Variants in COL16A1 observed in about 807,000 individuals in gnomAD.
The protein encoded by COL16A1 is collagen type XVI alpha 1 chain, also known as collagen alpha-1(XVI) chain.
Under a neutral mutation model 266.3 loss-of-function variants are expected in COL16A1, and 189 were observed. The ratio of observed to expected loss-of-function variants is 0.71; its 90% confidence interval spans 0.63 to 0.80. The LOEUF is 0.80. COL16A1 is among the 30% of genes least tolerant of loss of function. COL16A1 has a pLI of 0.00. For missense variants in COL16A1, 1,928 were observed against 2,122.4 expected, an observed-to-expected ratio of 0.91 and a Z score of 1.80; for synonymous variants, 740 against 782.3, an observed-to-expected ratio of 0.95 and a Z score of 0.90.
At chr1:31,665,034 T>C in intron 56 of COL16A1, 138 bp downstream of exon 56, 1 of 1,269,866 alleles carries the variant, frequency 7.9e-7, no homozygotes, top group Non-Finnish European at 1.1e-6. Context: ...GGGCCCATCC[T>C]GGAGGCCTCT....
chr1:31,700,132 A>AG lies in COL16A1; in HGVS notation c.74-18dup. On this transcript the variant is annotated splice_polypyrimidine_tract_variant and intron_variant, in intron 2 of 70. Transcript: ENST00000373672. ...ATTGTGCACCTAGAAGAGAAGGGGC[A>AG]GGGGGGCATTAGGTGCGCTCAGGCC... is the stretch of plus-strand genomic sequence containing the variant. The AG allele has an allele frequency of 6.2e-7, 1 of 1,613,866 alleles. No individual in the cohort carries two copies. The highest frequency in any genetic ancestry group is 1.3e-5 in the African/African-American group (1 of 75,026).
At chr1:31,689,649 C>T in intron 23 of COL16A1, 92 bp downstream of exon 23, 1 of 1,005,618 alleles carries the variant, frequency 9.9e-7, no homozygotes, top group Non-Finnish European at 1.6e-6. Context: ...GAGAAGTACC[C>T]AGCCCCTCTG....
chr1:31,666,001 C>T, intron 53 of COL16A1, 36 bp downstream of exon 53: 1 of 1,613,672 alleles, frequency 6.2e-7, no homozygotes, highest in Non-Finnish European at 8.5e-7. Context: ...CAGGACAAGA[C>T]CAGGACCACA....
rs1644465237 is a variant in COL16A1 at position 31,695,691 on chromosome 1, C to T, written c.945+70G>A. 1.8e-5 allele frequency: 27 copies of T among 1,476,240 alleles called. No homozygotes were observed. In the South Asian group the frequency reaches 2.3e-4, roughly 13 times the overall value. The allele number at this position is 1,476,240 out of a possible 1,614,324, so 91.4% of individuals were successfully genotyped here. On this transcript the variant is annotated intron_variant, in intron 10 of 70. Transcript: ENST00000373672. ...AGCCAGCACCCCTATGCTGAGGATC[C>T]GTGCCCAAAGCCTGGTGCAAAGGGT...
rs200338053 is a variant in COL16A1 at position 31,683,353 on chromosome 1, G to A, written c.2396C>T (p.Pro799Leu). 21 of 1,614,002 alleles carry A rather than the reference G, an allele frequency of 1.3e-5. No individual in the cohort carries two copies. The highest frequency in any genetic ancestry group is 1.6e-4 in the Middle Eastern group (1 of 6,082). The change falls in exon 35 of 71, where the codon CCG (proline) becomes CTG (leucine). Residue 799 changes from proline to leucine, a missense_variant. Pro to Leu is a moderately conservative substitution (Grantham distance 98, BLOSUM62 -3). This residue lies in a region of COL16A1 where 1,552 missense variants were observed against 1,637.2 expected (regional missense o/e 0.95). Transcript: ENST00000373672. ...VQGPQGEPGA[P>L]GLPGIQGLPG... ...ACGTACCTGAATGCCAGGCAAACCC[G>A]GGGCTCCAGGCTCCCCCTGCAAGTC... is the stretch of plus-strand genomic sequence containing the variant.
chr1:31,689,284 G>A (rs1447544804), intron 23 of COL16A1, 199 bp from the exon 24 acceptor site: 20 of 817,030 alleles, frequency 2.4e-5, no homozygotes, highest in South Asian at 5.5e-5. Flanking sequence ...GGGGAATGAC[G>A]CCAGGTTAAG....
At chr1:31,692,728 C>T in intron 14 of COL16A1, 39 bp downstream of exon 14, 1 of 1,612,960 alleles carries the variant, frequency 6.2e-7, no homozygotes, top group South Asian at 1.1e-5. Flanking sequence ...GGGCTGGCCC[C>T]ATATTGGCCC....
rs773151364 is a variant in COL16A1 at position 31,691,444 on chromosome 1, G to A, written c.1371C>T (p.Pro457=). The part of the protein sequence containing the change: ...GEPGPPGLPG[P]PGIGLPGTPG... ...GGGTCCCAGGCAGTCCTATCCCAGG[G>A]GGTCCAGGGAGGCCGGGGGGCCCAG... is the stretch of plus-strand genomic sequence containing the variant. The change falls in exon 19 of 71, where the codon CCC becomes CCT. Residue 457 remains proline (P), a synonymous_variant. Transcript: ENST00000373672. The A allele has an allele frequency of 2.5e-6, 4 of 1,612,812 alleles. No individual in the cohort carries two copies. The Admixed American group carries it at 5.0e-5, about 20-fold the overall frequency.
intron 2 of COL16A1, chr1:31,701,650 G>T: frequency 1.2e-6 from 1 of 812,920 alleles, no homozygotes; most frequent in Non-Finnish European, 1.5e-6. Flanking sequence ...AGGAGGAGAA[G>T]CACGTGAGCT....
At position 31,683,757 on chromosome 1, in the gene COL16A1, GC is replaced by G. The variant is rs1557663499; in HGVS notation, c.2338-10del. On this transcript the variant is annotated splice_polypyrimidine_tract_variant and intron_variant, in intron 33 of 70. Transcript: ENST00000373672. ...GGAGGCCCTGGCTCTCCCTGAAGAG[GC>G]AGAAGGACAGTCCCTGGCTCGAGGT... The G allele has an allele frequency of 6.2e-7, 1 of 1,614,070 alleles. No homozygotes were observed. The highest frequency in any genetic ancestry group is 1.1e-5 in the South Asian group (1 of 91,080).
rs752977109 is a variant in COL16A1, at chr1:31,686,073, G to A, written c.1884+18C>T. ...AAGCTCACCCAGGCTGCAGCACGGA[G>A]AATGTCCCCAGACTCACCTTCGCCC... On this transcript the variant is annotated intron_variant, in intron 28 of 70. Transcript: ENST00000373672. 6.2e-7 allele frequency: 1 copy of A among 1,613,652 alleles called. No homozygotes were observed. Among genetic ancestry groups the A allele is most frequent in the East Asian group, 2.2e-5 (1 of 44,882 alleles).
Position 31,683,020 on chromosome 1 carries a change from C to T in COL16A1, c.2470-18G>A. ...GGAGATCCCTGTGTAAGAGAAGGTA[C>T]AAAGGTCTCAGGGGCAGAATTGGAA... is the stretch of plus-strand genomic sequence containing the variant. On this transcript the variant is annotated intron_variant, in intron 36 of 70. Coordinates refer to ENST00000373672, the MANE Select transcript of COL16A1 (RefSeq NM_001856.4). 6.2e-7 allele frequency: 1 copy of T among 1,613,930 alleles called. No individual in the cohort carries two copies. Among genetic ancestry groups the T allele is most frequent in the Non-Finnish European group, 8.5e-7 (1 of 1,179,942 alleles).
intron 12 of COL16A1, among the ~76,000 whole-genome samples, chr1:31,693,791 C>T (rs1226410821): frequency 6.6e-6 from 1 of 152,192 alleles, no homozygotes; most frequent in Non-Finnish European, 1.5e-5. Flanking sequence ...CATAATCATT[C>T]TAACACACCC....
Position 31,698,501 on chromosome 1 carries a change from A to T in COL16A1, c.372T>A (p.Asp124Glu), listed in dbSNP as rs1246584901. Residue 124 changes from aspartate (D) to glutamate (E), a missense_variant, in exon 5 of 71, where the codon GAT becomes GAA. Around this residue, in one of 2 missense-constraint regions of COL16A1, gnomAD observed 1,552 missense variants for 1,637.2 expected, o/e 0.95. Coordinates refer to ENST00000373672, the MANE Select transcript of COL16A1 (RefSeq NM_001856.4). The surrounding 1 kb of genome is among the most constrained non-coding windows in gnomAD (Gnocchi z 4.1). ...QKTWYLFQVTDANGYPQISLE... is the reference protein window; with the variant it reads ...QKTWYLFQVTEANGYPQISLE... ...GGTTCACCTGTGGATACCCATTTGC[A>T]TCGGTCACTTGAAACAGATACCACG... is the stretch of plus-strand genomic sequence containing the variant. 6 of 1,614,148 alleles carry T rather than the reference A, an allele frequency of 3.7e-6. No individual in the cohort carries two copies. Among genetic ancestry groups the T allele is most frequent in the Non-Finnish European group, 5.1e-6 (6 of 1,180,018 alleles).
In COL16A1 at chr1:31,657,905, A is replaced by G. The variant is rs953339495; in HGVS notation, c.4020+583T>C. Among the ~76,000 whole-genome samples, 3 of 152,194 alleles carry G rather than the reference A, an allele frequency of 2.0e-5. No homozygotes were observed. The highest frequency in any genetic ancestry group is 2.1e-4 in the South Asian group (1 of 4,834). ...GTCAGAGCTCTTCCACTCACTAGCT[A>G]TGTGACTCCGAGCAACCTGCCTAAC... On this transcript the variant is annotated intron_variant, in intron 64 of 70. Transcript: ENST00000373672. The surrounding 1 kb of genome is among the most constrained non-coding windows in gnomAD (Gnocchi z 6.4).
chr1:31,665,543 C>A (rs1642053664), intron 55 of COL16A1, 40 bp downstream of exon 55: 2 of 1,613,996 alleles, frequency 1.2e-6, no homozygotes, highest in African/African-American at 1.3e-5. Flanking sequence ...CCCGATGAGA[C>A]CACATCAGAC....
chr1:31,685,946 C>T lies in COL16A1; in HGVS notation c.1884+145G>A, dbSNP rs922744938. On this transcript the variant is annotated intron_variant, in intron 28 of 70. Transcript: ENST00000373672. This position sits in a 1 kb window ranked among gnomAD's most constrained non-coding sequence, Gnocchi z 4.0. ...GAAAGAAACAAAGGTGGAGCTGAGTCATCAGGGGTCTCCATGCCTTGCTAA... is the reference window on the plus strand; with the variant it reads ...GAAAGAAACAAAGGTGGAGCTGAGTTATCAGGGGTCTCCATGCCTTGCTAA... 4.1e-6 allele frequency: 6 copies of T among 1,465,082 alleles called. No individual in the cohort carries two copies. Among genetic ancestry groups the T allele is most frequent in the Admixed American group, 2.0e-5 (1 of 49,076 alleles). 90.8% of individuals were successfully genotyped at this position (1,465,082 alleles called of 1,614,324 possible).
intron 11 of COL16A1, 38 bp from the exon 12 acceptor site, chr1:31,694,208 G>C: frequency 1.3e-6 from 2 of 1,556,320 alleles, no homozygotes; most frequent in South Asian, 1.2e-5. Flanking sequence ...ACTTCCGGTA[G>C]AGAGAGAAAA....
chr1:31,692,514 G>C lies in COL16A1; in HGVS notation c.1159-5C>G. The C allele has an allele frequency of 5.0e-6, 8 of 1,613,922 alleles. No individual in the cohort carries two copies. The highest frequency in any genetic ancestry group is 6.8e-6 in the Non-Finnish European group (8 of 1,179,920). ...GCCTGGGAGTCCTGAGGGTCCCTGA[G>C]ATGAGGAAGGGAGACAGAGGAAGGG... On this transcript the variant is annotated splice_polypyrimidine_tract_variant and splice_region_variant and intron_variant, in intron 15 of 70. Coordinates refer to ENST00000373672, the MANE Select transcript of COL16A1 (RefSeq NM_001856.4).
Sources: gnomAD v4.1 joint callset for allele counts (sites outside exome capture counted in the v4.1 genomes callset) on GRCh38, gnomAD v4.1.1 for gene constraint, gnomAD v4.1.1 regional missense constraint, Gnocchi (gnomAD v3.1) non-coding constraint, MANE v1.5 for transcripts, NCBI Gene and HGNC (gene_info 2026-07-23, HGNC 2026-07-21) for gene names.